Variants in DIS3L2 observed in about 807,000 individuals in gnomAD.
The protein encoded by DIS3L2 is DIS3-like exonuclease 2.
Under a neutral mutation model 97.5 loss-of-function variants are expected in DIS3L2, and 34 were observed. The ratio of observed to expected loss-of-function variants is 0.35; its 90% CI spans 0.27 to 0.46. The LOEUF is 0.46. Ranked by LOEUF, DIS3L2 falls within the 20% of genes least tolerant of loss-of-function variation. The probability of loss-of-function intolerance (pLI) is 1.00; values close to 1 mark genes in which losing one functional copy is unlikely to be tolerated. For synonymous variants in DIS3L2, 435 were observed against 445.2 expected (o/e 0.98, Z 0.29); for missense variants, 1,038 against 1,146.0 (o/e 0.91, Z 1.36).
At chr2:231,984,800 C>T (rs940144446) in intron 1 of DIS3L2, among the ~76,000 whole-genome samples, 1 of 151,970 alleles carries the variant, frequency 6.6e-6, no homozygotes. Flanking sequence ...TTTGTATTTT[C>T]AGTAGAGACA....
chr2:232,221,101 C>CAAA (rs373784144), intron 10 of DIS3L2, among the ~76,000 whole-genome samples: 2,320 of 96,758 alleles, frequency 0.024, 66 homozygotes, highest in African/African-American at 0.03. Context: ...GACTTCATCT[C>CAAA]AAAAAAAAAA....
At chr2:232,024,117 T>C (rs1333979159) in intron 3 of DIS3L2, among the ~76,000 whole-genome samples, 160 bp from the exon 4 acceptor site, 1 of 152,214 alleles carries the variant, frequency 6.6e-6, no homozygotes, top group African/African-American at 2.4e-5. Context: ...GATATCAACA[T>C]AAATTGTGTT....
At chr2:232,114,219 C>A (rs1461770984) in intron 6 of DIS3L2, among the ~76,000 whole-genome samples, 1 of 151,392 alleles carries the variant, frequency 6.6e-6, no homozygotes, top group Non-Finnish European at 1.5e-5. Context: ...CATTCCCATC[C>A]CCCCACCCCA....
intron 1 of DIS3L2, among the ~76,000 whole-genome samples, chr2:231,996,540 A>G (rs1319136860): frequency 6.6e-6 from 1 of 152,196 alleles, no homozygotes; most frequent in African/African-American, 2.4e-5. Flanking sequence ...AAAATTATGA[A>G]ACAATTTGAA....
Position 232,292,726 on chromosome 2 carries a change from A to G in DIS3L2, c.1660-7314A>G, listed in dbSNP as rs905398261. Among the ~76,000 whole-genome samples the G allele has an allele frequency of 6.6e-6, 1 of 152,090 alleles. No individual in the cohort carries two copies. The highest frequency in any genetic ancestry group is 6.5e-5 in the Admixed American group (1 of 15,276). ...GCCCCTGAAAGGAGAAGGCTCTCCCATTTTCTGCCCTGGGGAGACTGCCCT... is the reference window on the plus strand; with the variant it reads ...GCCCCTGAAAGGAGAAGGCTCTCCCGTTTTCTGCCCTGGGGAGACTGCCCT... On this transcript the variant is annotated intron_variant, in intron 13 of 20. Coordinates refer to ENST00000325385, the MANE Select transcript of DIS3L2 (RefSeq NM_152383.5). This position sits in a 1 kb window ranked among gnomAD's most constrained non-coding sequence, Gnocchi z 4.4.
chr2:232,340,832 A>G, downstream of DIS3L2: 1 of 471,536 alleles, frequency 2.1e-6, no homozygotes, highest in Non-Finnish European at 4.4e-6. Context: ...GCTTCCAGTC[A>G]CACTGCTCAT....
At chr2:232,219,951 T>C (rs1339989848) in intron 10 of DIS3L2, among the ~76,000 whole-genome samples, 1 of 152,096 alleles carries the variant, frequency 6.6e-6, no homozygotes, top group East Asian at 1.9e-4. Context: ...TGGCAAATAG[T>C]CTTACTAGTT....
intron 10 of DIS3L2, among the ~76,000 whole-genome samples, chr2:232,234,240 C>T (rs1307187914): frequency 1.3e-5 from 2 of 152,260 alleles, no homozygotes; most frequent in Admixed American, 6.5e-5. Flanking sequence ...GATAATTCAT[C>T]TGTGCAAAAC....
intron 6 of DIS3L2, among the ~76,000 whole-genome samples, chr2:232,090,009 A>G (rs1487815296): frequency 1.3e-5 from 2 of 152,124 alleles, no homozygotes; most frequent in Non-Finnish European, 2.9e-5. Flanking sequence ...AGCTCACTGC[A>G]GCCTTGTCCT....
At chr2:232,039,359 T>C (rs978684680) in intron 5 of DIS3L2, among the ~76,000 whole-genome samples, 1 of 152,202 alleles carries the variant, frequency 6.6e-6, no homozygotes, top group African/African-American at 2.4e-5. Context: ...CATATTGTTA[T>C]CAAAGGAATC....
intron 6 of DIS3L2, among the ~76,000 whole-genome samples, chr2:232,100,585 C>A: frequency 6.6e-6 from 1 of 151,720 alleles, no homozygotes; most frequent in South Asian, 2.1e-4. Flanking sequence ...TATTATTATT[C>A]ACTTTTAAAT....
At chr2:232,338,306 C>T (rs1248852943), downstream of DIS3L2, among the ~76,000 whole-genome samples, 1 of 152,144 alleles carries the variant, frequency 6.6e-6, no homozygotes, top group Non-Finnish European at 1.5e-5. Context: ...AGCACAGACC[C>T]GGACGGACAC....
In DIS3L2 at chr2:232,305,036, G is replaced by A. The variant is rs115933975; in HGVS notation, c.1739+4917G>A. Among the ~76,000 whole-genome samples the A allele has an allele frequency of 4.8e-3, 723 of 152,148 alleles. 5 individuals carry two copies. The highest frequency in any genetic ancestry group is 0.017 in the African/African-American group (695 of 41,478). ...TCCTTGTAGCAGTTTACTATCGGCT[G>A]CTTAATAACCCTTCCCAATATGAAT... is the stretch of plus-strand genomic sequence containing the variant. On this transcript the variant is annotated intron_variant, in intron 14 of 20. Transcript: ENST00000325385.
chr2:232,171,275 AATAG>A (rs2106172220), intron 9 of DIS3L2, among the ~76,000 whole-genome samples: 1 of 152,314 alleles, frequency 6.6e-6, no homozygotes, highest in African/African-American at 2.4e-5. Flanking sequence ...ACAGTGTGTT[AATAG>A]ATTTCTTAGA....
chr2:231,977,709 T>C (rs763706827), intron 1 of DIS3L2, among the ~76,000 whole-genome samples: 1 of 152,244 alleles, frequency 6.6e-6, no homozygotes, highest in Non-Finnish European at 1.5e-5. Flanking sequence ...AAATACTCAA[T>C]TGGACTCAGT....
At chr2:232,205,777 A>G (rs1181105332) in intron 9 of DIS3L2, among the ~76,000 whole-genome samples, 1 of 152,194 alleles carries the variant, frequency 6.6e-6, no homozygotes, top group Admixed American at 6.5e-5. Context: ...AAAACTTTTT[A>G]AAGTTTATTT....
intron 10 of DIS3L2, among the ~76,000 whole-genome samples, chr2:232,217,004 G>A (rs1438886387): frequency 1.6e-4 from 24 of 152,046 alleles, no homozygotes; most frequent in Admixed American, 1.2e-3. Flanking sequence ...CACCACACCC[G>A]GCTAATTTTT....
intron 5 of DIS3L2, among the ~76,000 whole-genome samples, chr2:232,065,924 T>C (rs1574848203): frequency 6.6e-6 from 1 of 151,964 alleles, no homozygotes; most frequent in Non-Finnish European, 1.5e-5. Flanking sequence ...GATACTATGA[T>C]AATTGAAATT....
At chr2:232,113,574 A>G (rs913399362) in intron 6 of DIS3L2, among the ~76,000 whole-genome samples, 4 of 152,162 alleles carry the variant, frequency 2.6e-5, no homozygotes, top group Non-Finnish European at 4.4e-5. Context: ...TTCCATCTTC[A>G]TTAGCCAACA....
Sources: gnomAD v4.1 joint callset for allele counts (sites outside exome capture counted in the v4.1 genomes callset) on GRCh38, gnomAD v4.1.1 for gene constraint, Gnocchi (gnomAD v3.1) non-coding constraint, MANE v1.5 for transcripts, NCBI Gene and HGNC (gene_info 2026-07-23, HGNC 2026-07-21) for gene names.